Variants in TMEM8B observed in about 807,000 individuals in gnomAD.
TMEM8B encodes the protein transmembrane protein 8B, also known as nasopharyngeal carcinoma expressed 6.
In TMEM8B, 29 loss-of-function variants were observed where a neutral mutation model predicts 49.3. The ratio of observed to expected loss-of-function variants is 0.59; its 90% CI spans 0.44 to 0.80. TMEM8B has a LOEUF of 0.80. Ranked by LOEUF, TMEM8B falls within the 30% of genes least tolerant of loss-of-function variation. The pLI is 0.00. For missense variants in TMEM8B, 575 were observed against 658.5 expected (o/e 0.87, Z 1.39); for synonymous variants, 264 against 272.8 (o/e 0.97, Z 0.32).
chr9:35,844,144 A>G (rs1276305218), intron 6 of TMEM8B, among the ~76,000 whole-genome samples: 1 of 152,212 alleles, frequency 6.6e-6, no homozygotes, highest in Non-Finnish European at 1.5e-5. Flanking sequence ...CAAGGGGCAT[A>G]TACATTTTGG....
intron 6 of TMEM8B, among the ~76,000 whole-genome samples, chr9:35,843,295 C>T (rs1004851487): frequency 1.2e-4 from 18 of 152,156 alleles, no homozygotes; most frequent in Non-Finnish European, 1.8e-4. Context: ...CACTCTCTCA[C>T]GTTTTCCCCT....
At chr9:35,847,908 C>T (rs1831765183) in intron 10 of TMEM8B, among the ~76,000 whole-genome samples, 1 of 152,190 alleles carries the variant, frequency 6.6e-6, no homozygotes, top group African/African-American at 2.4e-5. Context: ...CCTGAAGTGT[C>T]ACATCTGGGA....
chr9:35,842,538 C>G lies in TMEM8B; in HGVS notation c.1456C>G (p.His486Asp), dbSNP rs758798085. 6 of 1,613,860 alleles carry G rather than the reference C, an allele frequency of 3.7e-6. No individual in the cohort carries two copies. The Admixed American group carries it at 8.3e-5, about 22-fold the overall frequency. ...GCCTGGGACCACGTCCCCACCCGAG[C>G]ACTGCTGGCCAGTGCGCCCGACTCT... is the stretch of plus-strand genomic sequence containing the variant. ...EGPGTTSPPE[H>D]CWPVRPTLRN... is the part of the protein sequence containing the mutation. Residue 486 changes from histidine (H) to aspartate (D), a missense_variant, in exon 6 of 13, where the codon CAC becomes GAC. Transcript: ENST00000643932. This position sits in a 1 kb window ranked among gnomAD's most constrained non-coding sequence, Gnocchi z 5.6.
intron 8 of TMEM8B, 24 bp from the exon 9 acceptor site, chr9:35,846,445 A>C (rs768885414): frequency 1.9e-6 from 3 of 1,596,636 alleles, no homozygotes; most frequent in South Asian, 2.2e-5. Flanking sequence ...CCGGGGCCCC[A>C]GGTGACTGCG....
At chr9:35,846,120 G>T (rs1245672044) in intron 7 of TMEM8B, 52 bp downstream of exon 7, 1 of 1,610,998 alleles carries the variant, frequency 6.2e-7, no homozygotes, top group East Asian at 2.2e-5. Flanking sequence ...GGGTGGTGGT[G>T]GCGGGCAGAG....
At chr9:35,838,066 T>G (rs1174391842) in intron 3 of TMEM8B, among the ~76,000 whole-genome samples, 3 of 152,170 alleles carry the variant, frequency 2.0e-5, no homozygotes, top group Non-Finnish European at 2.9e-5. Context: ...TTCTGTTGAA[T>G]CCACCGACTA....
Position 35,843,136 on chromosome 9 carries a change from C to T in TMEM8B, c.1635+419C>T, listed in dbSNP as rs1043188467. ...AAATCTGTCTCCATGAATTTTTTACCCACTCATCTTTGATTCAGTGGGTAA... is the reference window on the plus strand; with the variant it reads ...AAATCTGTCTCCATGAATTTTTTACTCACTCATCTTTGATTCAGTGGGTAA... On this transcript the variant is annotated intron_variant, in intron 6 of 12. Coordinates refer to ENST00000643932, the MANE Select transcript of TMEM8B (RefSeq NM_001042590.4). Among the ~76,000 whole-genome samples the T allele has an allele frequency of 1.1e-4, 17 of 152,238 alleles. 1 individual carries two copies. The highest frequency in any genetic ancestry group is 3.4e-3 in the Middle Eastern group (1 of 294).
intron 10 of TMEM8B, among the ~76,000 whole-genome samples, chr9:35,851,284 TA>T (rs2132387874): frequency 6.8e-6 from 1 of 146,434 alleles, no homozygotes; most frequent in African/African-American, 2.5e-5. Context: ...GCTGGGACTA[TA>T]GGCACACGCT....
intron 3 of TMEM8B, among the ~76,000 whole-genome samples, chr9:35,840,530 G>C (rs1007010676): frequency 1.3e-5 from 2 of 152,146 alleles, no homozygotes; most frequent in Admixed American, 1.3e-4. Flanking sequence ...TGCCTGGGAA[G>C]TAATGAGTGG....
intron 7 of TMEM8B, 35 bp downstream of exon 7, chr9:35,846,103 A>G (rs1369640485): frequency 1.3e-6 from 2 of 1,596,530 alleles, no homozygotes; most frequent in East Asian, 4.5e-5. Context: ...AGGAAGCTGC[A>G]GTGTGGGGGT....
In TMEM8B at chr9:35,865,131, G is replaced by A. The variant is rs905608755; in HGVS notation, c.*11291G>A. The A allele has an allele frequency of 8.5e-5, 13 of 152,256 alleles. No individual in the cohort carries two copies. Among genetic ancestry groups the A allele is most frequent in the Admixed American group, 7.9e-4 (12 of 15,282 alleles). The allele number at this position is 152,256 out of a possible 1,614,324, so 9.4% of individuals were successfully genotyped here. ...AGGTGAAGTGGGCATAGGAGAGAGA[G>A]TGGACAGAGAATCTGAATACTGGGT... On this transcript the variant is annotated 3_prime_UTR_variant, in exon 13 of 13. Coordinates refer to ENST00000643932, the MANE Select transcript of TMEM8B (RefSeq NM_001042590.4).
At chr9:35,844,890 A>G (rs1015344944) in intron 6 of TMEM8B, among the ~76,000 whole-genome samples, 2 of 152,196 alleles carry the variant, frequency 1.3e-5, no homozygotes, top group African/African-American at 2.4e-5. Context: ...TTTATTCTGA[A>G]AGGTATTTCC....
rs767418902 is a variant in TMEM8B at position 35,846,854 on chromosome 9, G to A, written c.2034G>A (p.Ala678=). 1.9e-6 allele frequency: 3 copies of A among 1,614,138 alleles called. No individual in the cohort carries two copies. The highest frequency in any genetic ancestry group is 2.7e-5 in the African/African-American group (2 of 75,062). ...GGGGCTGCACCGACAGTGCAGATGC[G>A]CTCACCTATGGATTCCAGCTGCTGT... The part of the protein sequence containing the change: ...RGWGCTDSAD[A]LTYGFQLLST... The change falls in exon 10 of 13, where the codon GCG becomes GCA. Residue 678 remains alanine, a synonymous_variant. Coordinates refer to ENST00000643932, the MANE Select transcript of TMEM8B (RefSeq NM_001042590.4).
intron 10 of TMEM8B, among the ~76,000 whole-genome samples, chr9:35,852,603 G>C (rs549439401): frequency 6.6e-6 from 1 of 152,234 alleles, no homozygotes; most frequent in East Asian, 1.9e-4. Flanking sequence ...CTCAGGGTCA[G>C]GGTCAGGGCT....
chr9:35,865,478 A>G lies in TMEM8B; in HGVS notation c.*11638A>G, dbSNP rs1187592879. 2.6e-5 allele frequency: 4 copies of G among 152,232 alleles called. No homozygotes were observed. Among genetic ancestry groups the G allele is most frequent in the Non-Finnish European group, 4.4e-5 (3 of 68,044 alleles). 9.4% of individuals were successfully genotyped at this position (152,232 alleles called of 1,614,324 possible). A position where few individuals can be genotyped will look rare whatever the true frequency, so the allele number is the denominator to read the frequency against. ...CTTAGAGACTAAAAATCATCCTTCA[A>G]TAAAGCAGCAGAAGTTGCAAAGTTT... is the stretch of plus-strand genomic sequence containing the variant. On this transcript the variant is annotated 3_prime_UTR_variant, in exon 13 of 13. Transcript: ENST00000643932.
chr9:35,830,000 G>T, intron 1 of TMEM8B, 45 bp downstream of exon 1: 1 of 414,954 alleles, frequency 2.4e-6, no homozygotes. Flanking sequence ...TGGGGTTCCG[G>T]CAGGGAGGGG....
intron 1 of TMEM8B, among the ~76,000 whole-genome samples, chr9:35,832,675 G>A (rs1225687595): frequency 6.6e-6 from 1 of 152,106 alleles, no homozygotes; most frequent in Non-Finnish European, 1.5e-5. Flanking sequence ...TTCTCCTAAC[G>A]GTAGCAATGG....
rs1832306840 is a variant in TMEM8B at position 35,853,146 on chromosome 9, G to A, written c.2328G>A (p.Leu776=). 3.1e-6 allele frequency: 5 copies of A among 1,613,862 alleles called. No individual in the cohort carries two copies. The Admixed American group carries it at 5.0e-5, about 16-fold the overall frequency. The part of the protein sequence containing the change: ...ARLQPVVKQV[L]YLLGAMLLSM... ...CCTTGAGTCTCTTTCTCTAGGTGCT[G>A]TATTTGCTGGGAGCTATGCTGCTGT... The change falls in exon 12 of 13, where the codon CTG becomes CTA. Residue 776 remains leucine, a synonymous_variant. Transcript: ENST00000643932. This position sits in a 1 kb window ranked among gnomAD's most constrained non-coding sequence, Gnocchi z 4.2.
chr9:35,852,956 C>T lies in TMEM8B; in HGVS notation c.2305C>T (p.Gln769Ter). Reference sequence around the variant, plus strand: ...CACTGTCATTGCCATGGCTCGTTTACAGCCCGTGGTCAAGCAGGTCAGTCC... The same window carrying T: ...CACTGTCATTGCCATGGCTCGTTTATAGCCCGTGGTCAAGCAGGTCAGTCC... Reference protein sequence around the residue: ...WVTVIAMARLQPVVKQVLYLL... With the variant: ...WVTVIAMARL Residue 769 changes from glutamine to a stop codon, truncating the protein, a stop_gained, in exon 11 of 13, where the codon CAG becomes TAG. Transcript: ENST00000643932. LOFTEE classifies it high-confidence loss of function. The T allele has an allele frequency of 1.9e-6, 3 of 1,614,174 alleles. No individual in the cohort carries two copies. Among genetic ancestry groups the T allele is most frequent in the Non-Finnish European group, 2.5e-6 (3 of 1,180,034 alleles).
Sources: gnomAD v4.1 joint callset for allele counts (sites outside exome capture counted in the v4.1 genomes callset) on GRCh38, gnomAD v4.1.1 for gene constraint, Gnocchi (gnomAD v3.1) non-coding constraint, MANE v1.5 for transcripts, NCBI Gene and HGNC (gene_info 2026-07-23, HGNC 2026-07-21) for gene names.